Variants in HSDL1 observed in about 807,000 individuals in gnomAD.
HSDL1 encodes inactive hydroxysteroid dehydrogenase-like protein 1.
HSDL1 carries 29 observed loss-of-function variants against 31.5 expected under a neutral mutation model. The ratio of observed to expected loss-of-function variants is 0.92; its 90% confidence interval spans 0.69 to 1.26. HSDL1 has a LOEUF of 1.26. Ranked by LOEUF, HSDL1 falls within the 50% of genes most tolerant of loss-of-function variation. HSDL1 has a pLI of 0.00. For synonymous variants in HSDL1, 222 were observed against 155.2 expected (o/e 1.43, Z -3.20); for missense variants, 503 against 416.6 (o/e 1.21, Z -1.81).
chr16:84,128,978 G>A (rs1343373504), intron 5 of HSDL1, among the ~76,000 whole-genome samples: 2 of 152,050 alleles, frequency 1.3e-5, no homozygotes, highest in African/African-American at 4.8e-5. Context: ...AAAGTGCTGG[G>A]ATTACAGATG....
At chr16:84,136,510 A>C (rs924988892) in intron 1 of HSDL1, among the ~76,000 whole-genome samples, 1 of 152,258 alleles carries the variant, frequency 6.6e-6, no homozygotes, top group African/African-American at 2.4e-5. Flanking sequence ...TCCAGCGCTC[A>C]GCCCTCAGCT....
At position 84,124,319 on chromosome 16, in the gene HSDL1, A is replaced by G. The variant is rs1181483807; in HGVS notation, c.*311T>C. 1 of 185,726 alleles carries G rather than the reference A, an allele frequency of 5.4e-6. No individual in the cohort carries two copies. Among genetic ancestry groups the G allele is most frequent in the African/African-American group, 2.3e-5 (1 of 42,796 alleles). The allele number at this position is 185,726 out of a possible 1,614,324, so 11.5% of individuals were successfully genotyped here. ...ATTATAAGACCTGACAAATCATATT[A>G]TATTTCAATATTAGACTGCTGTGGC... On this transcript the variant is annotated 3_prime_UTR_variant, in exon 6 of 6. Coordinates refer to ENST00000219439, the MANE Select transcript of HSDL1 (RefSeq NM_031463.5).
intron 1 of HSDL1, chr16:84,139,445 G>A (rs2086744952): frequency 6.5e-6 from 1 of 153,002 alleles, no homozygotes; most frequent in Non-Finnish European, 1.5e-5. Flanking sequence ...GTGAAGGACG[G>A]GGGGTGGCCT....
Position 84,123,133 on chromosome 16 carries a change from G to C in HSDL1, c.*1497C>G, listed in dbSNP as rs1048727192. 1 of 151,740 alleles carries C rather than the reference G, an allele frequency of 6.6e-6. No homozygotes were observed. Among genetic ancestry groups the C allele is most frequent in the South Asian group, 2.1e-4 (1 of 4,802 alleles). 9.4% of individuals were successfully genotyped at this position (151,740 alleles called of 1,614,324 possible). On this transcript the variant is annotated 3_prime_UTR_variant, in exon 6 of 6. Coordinates refer to ENST00000219439, the MANE Select transcript of HSDL1 (RefSeq NM_031463.5). ...TTTCACATCTAAGTTCTGAAGACATGATCTAAGCGTGGAAGAGCTTCTGAA... is the reference window on the plus strand; with the variant it reads ...TTTCACATCTAAGTTCTGAAGACATCATCTAAGCGTGGAAGAGCTTCTGAA...
At chr16:84,132,317 C>T (rs1212179679) in intron 2 of HSDL1, among the ~76,000 whole-genome samples, 6 of 152,068 alleles carry the variant, frequency 3.9e-5, no homozygotes, top group African/African-American at 9.7e-5. Context: ...GCCTTGGCCT[C>T]AAAAGCTTAC....
At chr16:84,125,142 C>A (rs187527849) in intron 5 of HSDL1, 6,502 of 159,572 alleles carry the variant, frequency 0.041, 295 homozygotes, top group Admixed American at 0.074. Context: ...ACAACAAATA[C>A]CCACCAAGCA....
In HSDL1 at chr16:84,130,045, T is replaced by C. The variant is rs2086646914; in HGVS notation, c.607A>G (p.Ile203Val). 1.2e-6 allele frequency: 2 copies of C among 1,614,040 alleles called. No individual in the cohort carries two copies. The highest frequency in any genetic ancestry group is 1.7e-6 in the Non-Finnish European group (2 of 1,180,012). ...VERKKGAIVT[I>V]SSGSCCKPTP... ...GGTTTGCAGCAGGAGCCAGAAGAGA[T>C]CGTGACGATGGCACCTTTCTTTCTC... The change falls in exon 4 of 6, where the codon ATC becomes GTC. Residue 203 changes from isoleucine to valine, a missense_variant. Ile to Val is a conservative substitution (Grantham distance 29). Coordinates refer to ENST00000219439, the MANE Select transcript of HSDL1 (RefSeq NM_031463.5).
At position 84,130,058 on chromosome 16, in the gene HSDL1, A is replaced by G; in HGVS notation, c.594T>C (p.Gly198=). ...AGCCAGAAGAGATCGTGACGATGGC[A>G]CCTTTCTTTCTCTCCACCATTCCCG... ...VLPGMVERKK[G]AIVTISSGSC... Residue 198 remains glycine (G), a synonymous_variant, in exon 4 of 6, where the codon GGT becomes GGC. Transcript: ENST00000219439. 6.2e-7 allele frequency: 1 copy of G among 1,614,170 alleles called. No individual in the cohort carries two copies. The highest frequency in any genetic ancestry group is 8.5e-7 in the Non-Finnish European group (1 of 1,180,030).
At position 84,124,609 on chromosome 16, in the gene HSDL1, T is replaced by G; in HGVS notation, c.*21A>C. On this transcript the variant is annotated 3_prime_UTR_variant, in exon 6 of 6. Transcript: ENST00000219439. ...CGAGGTTCCCAGGAGTTGGCAAAAC[T>G]TCTCAAGTGGCCATCCAGACTCAGG... The G allele has an allele frequency of 6.5e-7, 1 of 1,546,368 alleles. No individual in the cohort carries two copies. Among genetic ancestry groups the G allele is most frequent in the Non-Finnish European group, 8.9e-7 (1 of 1,118,660 alleles).
intron 5 of HSDL1, among the ~76,000 whole-genome samples, chr16:84,129,279 C>G (rs990837266): frequency 3.3e-5 from 5 of 151,868 alleles, no homozygotes; most frequent in African/African-American, 1.2e-4. Flanking sequence ...ACTCGGGAAG[C>G]TGAGGCAGGA....
rs186739212 is a variant in HSDL1 at position 84,130,562 on chromosome 16, A to G, written c.221-131T>C. On this transcript the variant is annotated intron_variant, in intron 3 of 5. Coordinates refer to ENST00000219439, the MANE Select transcript of HSDL1 (RefSeq NM_031463.5). Reference sequence around the variant, plus strand: ...AGAAATCAAGTCGGTTCTAGTATCTACAAGTCAAGGACACTGTTGCTGAAT... The same window carrying G: ...AGAAATCAAGTCGGTTCTAGTATCTGCAAGTCAAGGACACTGTTGCTGAAT... The G allele has an allele frequency of 5.5e-5, 39 of 704,944 alleles. No individual in the cohort carries two copies. In the African/African-American group the frequency reaches 6.0e-4, roughly 11 times the overall value. The allele number at this position is 704,944 out of a possible 1,614,324, so 43.7% of individuals were successfully genotyped here. A position where few individuals can be genotyped will look rare whatever the true frequency, so the allele number is the denominator to read the frequency against.
chr16:84,144,876 G>C (rs1035185127), intron 1 of HSDL1, among the ~76,000 whole-genome samples: 40 of 151,834 alleles, frequency 2.6e-4, no homozygotes, highest in South Asian at 6.2e-4. Flanking sequence ...GGAGTCTCAC[G>C]GGACGGAGGG....
rs150265492 is a variant in HSDL1 at position 84,130,389 on chromosome 16, G to C, written c.263C>G (p.Ala88Gly). 6.2e-7 allele frequency: 1 copy of C among 1,613,432 alleles called. No homozygotes were observed. Among genetic ancestry groups the C allele is most frequent in the African/African-American group, 1.3e-5 (1 of 74,898 alleles). Residue 88 changes from alanine to glycine, a missense_variant, in exon 4 of 6, where the codon GCA becomes GGA. Transcript: ENST00000219439. ...CAGGATTATATTGAGACCTCGGCTT[G>C]CTAACTCTTCAGCGTAGGCTTTTCC... ...GIGKAYAEELASRGLNIILIS... is the reference protein window; with the variant it reads ...GIGKAYAEELGSRGLNIILIS...
intron 1 of HSDL1, among the ~76,000 whole-genome samples, chr16:84,138,502 G>C (rs1203851981): frequency 6.6e-6 from 1 of 152,162 alleles, no homozygotes; most frequent in East Asian, 1.9e-4. Context: ...TAACTGAGGT[G>C]ATGAATGTGT....
At chr16:84,142,839 CTT>C (rs971157126) in intron 1 of HSDL1, among the ~76,000 whole-genome samples, 4 of 152,142 alleles carry the variant, frequency 2.6e-5, no homozygotes, top group African/African-American at 7.2e-5. Flanking sequence ...AAATTTCACT[CTT>C]GAGAAAAAAA....
intron 5 of HSDL1, among the ~76,000 whole-genome samples, chr16:84,126,061 G>A (rs1272250165): frequency 6.7e-6 from 1 of 149,154 alleles, no homozygotes; most frequent in Non-Finnish European, 1.5e-5. Context: ...CGAGATCGCG[G>A]CACTGCACTC....
intron 4 of HSDL1, 102 bp from the exon 5 acceptor site, chr16:84,129,877 G>C: frequency 7.1e-7 from 1 of 1,402,226 alleles, no homozygotes; most frequent in Non-Finnish European, 9.8e-7. Flanking sequence ...AAAAATACAG[G>C]ATAAGCATAT....
At chr16:84,129,955 G>A (rs868113673) in intron 4 of HSDL1, 31 bp downstream of exon 4, 1 of 1,592,094 alleles carries the variant, frequency 6.3e-7, no homozygotes. Context: ...TGTGGCATTA[G>A]GATTTCATCT....
At chr16:84,140,234 A>G (rs951339264) in intron 1 of HSDL1, among the ~76,000 whole-genome samples, 3 of 152,174 alleles carry the variant, frequency 2.0e-5, no homozygotes, top group African/African-American at 7.2e-5. Context: ...GGAGGGCAGG[A>G]GATGTATAGA....
Sources: gnomAD v4.1 joint callset for allele counts (sites outside exome capture counted in the v4.1 genomes callset) on GRCh38, gnomAD v4.1.1 for gene constraint, MANE v1.5 for transcripts, NCBI Gene and HGNC (gene_info 2026-07-23, HGNC 2026-07-21) for gene names.